NUP93: variants seen among roughly 807,000 people sequenced by gnomAD.
NUP93 encodes the protein nucleoporin 93.
A neutral mutation model predicts 107.8 loss-of-function variants in NUP93; 55 were observed. The ratio of observed to expected loss-of-function variants is 0.51; its 90% confidence interval spans 0.41 to 0.64. NUP93 has a LOEUF of 0.64. Among genes scored for constraint, NUP93 ranks in the 30% least tolerant of loss-of-function variants. NUP93 has a pLI of 0.00. For synonymous variants in NUP93, 390 were observed against 397.5 expected (o/e 0.98, Z 0.22); for missense variants, 937 against 1,044.7 (o/e 0.90, Z 1.42).
At chr16:56,771,162 G>A (rs190529039) in intron 3 of NUP93, among the ~76,000 whole-genome samples, 77 of 152,288 alleles carry the variant, frequency 5.1e-4, no homozygotes, top group African/African-American at 1.7e-3. Context: ...TAATAGGCCT[G>A]GAACTTTGTA....
At chr16:56,791,445 GT>G (rs1301623873) in intron 3 of NUP93, among the ~76,000 whole-genome samples, 1 of 152,144 alleles carries the variant, frequency 6.6e-6, no homozygotes, top group Non-Finnish European at 1.5e-5. Flanking sequence ...GACACTGAAT[GT>G]TTTTTTCACA....
At chr16:56,809,564 G>A (rs1363842292) in intron 5 of NUP93, among the ~76,000 whole-genome samples, 1 of 151,872 alleles carries the variant, frequency 6.6e-6, no homozygotes, top group Non-Finnish European at 1.5e-5. Flanking sequence ...GATTCTTTTT[G>A]CACATCGAGA....
chr16:56,844,146 G>T (rs1335101500), intron 21 of NUP93, among the ~76,000 whole-genome samples: 1 of 152,232 alleles, frequency 6.6e-6, no homozygotes, highest in Non-Finnish European at 1.5e-5. Context: ...CAGCCAGAGA[G>T]AGAGGCTCAG....
In NUP93 at chr16:56,818,724, G is replaced by A. The variant is rs2144604443; in HGVS notation, c.550G>A (p.Ala184Thr). 1.2e-6 allele frequency: 2 copies of A among 1,613,980 alleles called. No individual in the cohort carries two copies. Among genetic ancestry groups the A allele is most frequent in the Non-Finnish European group, 1.7e-6 (2 of 1,179,830 alleles). ...AAGCTCTCTGGATAACATCGAGATG[G>A]CCTATGCGCGGCAAGTGAGTGTGAT... ...GRSSLDNIEM[A>T]YARQIYIYNE... Residue 184 changes from alanine to threonine, a missense_variant, in exon 6 of 22, where the codon GCC (alanine) becomes ACC (threonine). Coordinates refer to ENST00000308159, the MANE Select transcript of NUP93 (RefSeq NM_014669.5).
intron 2 of NUP93, among the ~76,000 whole-genome samples, chr16:56,749,675 C>T (rs922617729): frequency 6.6e-6 from 1 of 152,158 alleles, no homozygotes; most frequent in Non-Finnish European, 1.5e-5. Context: ...GGGCTACATT[C>T]TTGTTCTTGA....
chr16:56,828,996 G>A lies in NUP93; in HGVS notation c.814G>A (p.Val272Met). 8.7e-6 allele frequency: 14 copies of A among 1,613,348 alleles called. No homozygotes were observed. The highest frequency in any genetic ancestry group is 1.2e-5 in the Non-Finnish European group (14 of 1,179,786). Residue 272 changes from valine to methionine, a missense_variant, in exon 9 of 22, where the codon GTG (valine) becomes ATG (methionine). Coordinates refer to ENST00000308159, the MANE Select transcript of NUP93 (RefSeq NM_014669.5). ...TTCCAGTTATAAGAATTACACCCTT[G>A]TGACTGTCTTTGGAAATTTGCATCA... is the stretch of plus-strand genomic sequence containing the variant. ...LEQSYKNYTL[V>M]TVFGNLHQAQ...
intron 2 of NUP93, among the ~76,000 whole-genome samples, chr16:56,753,467 C>T (rs554809966): frequency 6.6e-6 from 1 of 152,268 alleles, no homozygotes; most frequent in Non-Finnish European, 1.5e-5. Context: ...GGAACTATAG[C>T]CTTGCTACTT....
At chr16:56,808,692 T>C (rs1281009484) in intron 5 of NUP93, among the ~76,000 whole-genome samples, 7 of 129,820 alleles carry the variant, frequency 5.4e-5, no homozygotes, top group African/African-American at 2.1e-4. Flanking sequence ...CATATATTTA[T>C]AAATATATAA....
chr16:56,809,360 G>A (rs1963262451), intron 5 of NUP93, among the ~76,000 whole-genome samples: 1 of 152,172 alleles, frequency 6.6e-6, no homozygotes. Context: ...TATTGGGGAA[G>A]ATTAGTGATA....
chr16:56,795,927 G>C (rs938859229), intron 3 of NUP93, among the ~76,000 whole-genome samples: 1 of 152,082 alleles, frequency 6.6e-6, no homozygotes, highest in Non-Finnish European at 1.5e-5. Flanking sequence ...GATTACAGAC[G>C]TGAGCCACCG....
At chr16:56,752,963 C>G (rs1961950996) in intron 2 of NUP93, among the ~76,000 whole-genome samples, 1 of 152,096 alleles carries the variant, frequency 6.6e-6, no homozygotes, top group African/African-American at 2.4e-5. Context: ...ACCCAGAAAC[C>G]AAGTTGAAGA....
At chr16:56,817,674 C>G (rs1789601731) in intron 5 of NUP93, among the ~76,000 whole-genome samples, 1 of 152,166 alleles carries the variant, frequency 6.6e-6, no homozygotes, top group African/African-American at 2.4e-5. Flanking sequence ...TTTTCATACA[C>G]AGTCATACAT....
rs1410086564 is a variant in NUP93 at position 56,809,290 on chromosome 16, T to C, written c.489+3658T>C. On this transcript the variant is annotated intron_variant, in intron 5 of 21. Transcript: ENST00000308159. ...TCAGCAGTGACTAGTTCTGAGGCTTTGTCCAAGTTACTTAATTAACCCTGC... is the reference window on the plus strand; with the variant it reads ...TCAGCAGTGACTAGTTCTGAGGCTTCGTCCAAGTTACTTAATTAACCCTGC... 2.0e-5 allele frequency among the ~76,000 whole-genome samples: 3 copies of C among 152,180 alleles called. No homozygotes were observed. In the East Asian group the frequency reaches 5.8e-4, roughly 29 times the overall value.
At chr16:56,810,708 A>G (rs1963296495) in intron 5 of NUP93, among the ~76,000 whole-genome samples, 1 of 152,146 alleles carries the variant, frequency 6.6e-6, no homozygotes, top group African/African-American at 2.4e-5. Flanking sequence ...GAACACACCC[A>G]GATGAGGAAA....
chr16:56,842,793 T>A, intron 21 of NUP93: 2 of 331,660 alleles, frequency 6.0e-6, no homozygotes, highest in South Asian at 2.3e-5. Context: ...GCTCAAGAGA[T>A]CCCCCAACCT....
intron 7 of NUP93, among the ~76,000 whole-genome samples, chr16:56,822,116 A>G (rs866361445): frequency 0.016 from 2,381 of 148,218 alleles, 44 homozygotes; most frequent in African/African-American, 0.047. Flanking sequence ...AAAAAAAAAA[A>G]GGGGGATGGA....
chr16:56,808,501 A>T lies in NUP93; in HGVS notation c.489+2869A>T, dbSNP rs550658108. 8.7e-4 allele frequency among the ~76,000 whole-genome samples: 98 copies of T among 112,700 alleles called. 8 individuals carry two copies. The highest frequency in any genetic ancestry group is 4.0e-3 in the Admixed American group (36 of 8,952). The allele number at this position is 112,700 out of a possible 152,430, so 73.9% of individuals were successfully genotyped here. A position where few individuals can be genotyped will look rare whatever the true frequency, so the allele number is the denominator to read the frequency against. The stretch of plus-strand genomic sequence containing the variant: ...AAATATATAGTTATGTAACTATATA[A>T]ATATATAGTTATGTAACTATATATA... On this transcript the variant is annotated intron_variant, in intron 5 of 21. Transcript: ENST00000308159.
chr16:56,822,116 A>AAG (rs1555496225), intron 7 of NUP93, among the ~76,000 whole-genome samples: 22 of 148,208 alleles, frequency 1.5e-4, no homozygotes, highest in African/African-American at 5.2e-4. Flanking sequence ...AAAAAAAAAA[A>AAG]GGGGGATGGA....
intron 5 of NUP93, among the ~76,000 whole-genome samples, chr16:56,812,143 A>C (rs755181771): frequency 5.9e-5 from 9 of 152,202 alleles, no homozygotes; most frequent in Non-Finnish European, 1.0e-4. Flanking sequence ...AGCTGACCTT[A>C]ACACTTGAAG....
Sources: gnomAD v4.1 joint callset for allele counts (sites outside exome capture counted in the v4.1 genomes callset) on GRCh38, gnomAD v4.1.1 for gene constraint, MANE v1.5 for transcripts, NCBI Gene and HGNC (gene_info 2026-07-23, HGNC 2026-07-21) for gene names.